The following PES1 variants were observed in gnomAD, a reference collection of about 807,000 sequenced individuals.
PES1 encodes the protein pescadillo homolog.
Under a neutral mutation model 77.1 loss-of-function variants are expected in PES1, and 31 were observed. The observed-to-expected ratio is 0.40, with a 90% CI of 0.30 to 0.54. The LOEUF is 0.54. Among genes scored for constraint, PES1 ranks in the 20% least tolerant of loss-of-function variants. The pLI is 0.45. For synonymous variants in PES1, 282 were observed against 303.0 expected (o/e 0.93, Z 0.72); for missense variants, 658 against 771.7 (o/e 0.85, Z 1.75).
At chr22:30,604,601 G>C (rs8141486) in intron 2 of PES1, among the ~76,000 whole-genome samples, 8,824 of 151,256 alleles carry the variant, frequency 0.058, 905 homozygotes, top group African/African-American at 0.21. Context: ...TTGCACTCCA[G>C]CCTGGGCAAC....
rs139481399 is a variant in PES1 at position 30,586,207 on chromosome 22, C to T, written c.368+1079G>A. 4.3e-4 allele frequency among the ~76,000 whole-genome samples: 65 copies of T among 152,296 alleles called. 2 individuals carry two copies. In the East Asian group the frequency reaches 0.012, roughly 28 times the overall value. The stretch of plus-strand genomic sequence containing the variant: ...TGTGGCTTTTTTTCATTTATTTCAC[C>T]TAACACTGTGTGCCACAGGCAGGAC... On this transcript the variant is annotated intron_variant, in intron 4 of 14. Coordinates refer to ENST00000354694, the MANE Select transcript of PES1 (RefSeq NM_014303.4).
intron 11 of PES1, 58 bp downstream of exon 11, chr22:30,579,995 C>T: frequency 6.2e-6 from 10 of 1,611,544 alleles, no homozygotes; most frequent in Non-Finnish European, 7.6e-6. Context: ...CCTGCTGCAT[C>T]GCAGGGCCTT....
At chr22:30,592,078 C>T (rs2087190301), upstream of PES1, 2 of 1,343,310 alleles carry the variant, frequency 1.5e-6, no homozygotes, top group Non-Finnish European at 1.9e-6. Context: ...ACAATGGTTA[C>T]AAACACTTTA....
intron 2 of PES1, among the ~76,000 whole-genome samples, chr22:30,599,079 G>C (rs1179373423): frequency 6.6e-6 from 1 of 151,188 alleles, no homozygotes; most frequent in African/African-American, 2.4e-5. Flanking sequence ...TGTATTTTTA[G>C]TTAGAGATGG....
chr22:30,604,951 C>T (rs2087414871), intron 2 of PES1, among the ~76,000 whole-genome samples: 1 of 152,114 alleles, frequency 6.6e-6, no homozygotes, highest in African/African-American at 2.4e-5. Context: ...ACCACATGAC[C>T]TGAAATAGCA....
At chr22:30,578,112 G>A (rs763458131) in intron 14 of PES1, among the ~76,000 whole-genome samples, 1 of 152,214 alleles carries the variant, frequency 6.6e-6, no homozygotes, top group Non-Finnish European at 1.5e-5. Context: ...GTAAAACCCC[G>A]TCTCTACTAA....
chr22:30,604,390 C>T (rs200492060), intron 2 of PES1, among the ~76,000 whole-genome samples: 7 of 151,982 alleles, frequency 4.6e-5, no homozygotes, highest in Admixed American at 1.3e-4. Flanking sequence ...CCCAATACTT[C>T]GGGAGGCTGA....
intron 4 of PES1, 124 bp from the exon 5 acceptor site, chr22:30,584,841 GA>G: frequency 1.1e-6 from 1 of 936,164 alleles, no homozygotes; most frequent in Non-Finnish European, 1.6e-6. Flanking sequence ...GCCACCTCCT[GA>G]CCTGGCAGGA....
At chr22:30,596,358 G>A (rs117021902), upstream of PES1, among the ~76,000 whole-genome samples, 1,734 of 152,046 alleles carry the variant, frequency 0.011, 17 homozygotes, top group South Asian at 0.021. Flanking sequence ...GTGTGTGTGC[G>A]TGTGTATATG....
chr22:30,598,885 A>ATTT (rs71200084), intron 2 of PES1, among the ~76,000 whole-genome samples: 920 of 51,066 alleles, frequency 0.018, 175 homozygotes, highest in Admixed American at 0.021. Context: ...CTTAAGTAAA[A>ATTT]TTTTTTTTTT....
At chr22:30,577,175 G>A (rs746153878) in intron 14 of PES1, 46 bp from the exon 15 acceptor site, 1 of 1,489,662 alleles carries the variant, frequency 6.7e-7, no homozygotes, top group South Asian at 1.1e-5. Context: ...GTGTAGAAGG[G>A]AGGGTGGGGG....
chr22:30,576,872 C>T lies in PES1; in HGVS notation c.*174G>A. ...CAGGCACCAGCAGGGCAGCTCCATCCAAGGGAAGCGAGGGCTGCCCACTGG... is the reference window on the plus strand; with the variant it reads ...CAGGCACCAGCAGGGCAGCTCCATCTAAGGGAAGCGAGGGCTGCCCACTGG... On this transcript the variant is annotated 3_prime_UTR_variant, in exon 15 of 15. Coordinates refer to ENST00000354694, the MANE Select transcript of PES1 (RefSeq NM_014303.4). The T allele has an allele frequency of 1.6e-6, 1 of 621,140 alleles. No individual in the cohort carries two copies. The highest frequency in any genetic ancestry group is 1.9e-5 in the South Asian group (1 of 52,546). The allele number at this position is 621,140 out of a possible 1,614,324, so 38.5% of individuals were successfully genotyped here.
chr22:30,592,019 T>C (rs2087189059), upstream of PES1: 6 of 1,368,588 alleles, frequency 4.4e-6, no homozygotes, highest in African/African-American at 1.5e-5. Context: ...TTTAAAACTA[T>C]AGTCTGAAAA....
Position 30,580,099 on chromosome 22 carries a change from G to A in PES1, c.1123C>T (p.His375Tyr), listed in dbSNP as rs774026118. 3.7e-6 allele frequency: 6 copies of A among 1,614,146 alleles called. No individual in the cohort carries two copies. The highest frequency in any genetic ancestry group is 5.1e-6 in the Non-Finnish European group (6 of 1,180,024). Reference sequence around the variant, plus strand: ...TGCCCAGGCCGGTCGACAATCTGATGGGTGATGCGGGAGTCTGTGACGTCA... The same window carrying A: ...TGCCCAGGCCGGTCGACAATCTGATAGGTGATGCGGGAGTCTGTGACGTCA... ...TYDVTDSRIT[H>Y]QIVDRPGQQT... The change falls in exon 11 of 15, where the codon CAT becomes TAT. Residue 375 changes from histidine to tyrosine, a missense_variant. Coordinates refer to ENST00000354694, the MANE Select transcript of PES1 (RefSeq NM_014303.4).
chr22:30,591,754 G>A, intron 1 of PES1, 56 bp downstream of exon 1: 1 of 1,536,332 alleles, frequency 6.5e-7, no homozygotes, highest in Non-Finnish European at 8.8e-7. Context: ...TCGACCCCAT[G>A]CTCTGCCGCC....
intron 4 of PES1, chr22:30,586,859 G>T: frequency 6.0e-6 from 1 of 167,448 alleles, no homozygotes; most frequent in Non-Finnish European, 1.3e-5. Flanking sequence ...TGAGGCAGGA[G>T]AATTGTTTGA....
At position 30,581,079 on chromosome 22, in the gene PES1, C is replaced by T; in HGVS notation, c.845G>A (p.Ser282Asn). 4 of 1,610,142 alleles carry T rather than the reference C, an allele frequency of 2.5e-6. No individual in the cohort carries two copies. The highest frequency in any genetic ancestry group is 3.4e-6 in the Non-Finnish European group (4 of 1,178,802). The stretch of plus-strand genomic sequence containing the variant: ...GGCAGGCACCACCACGCGGGCCAGG[C>T]TGGCACTGAGGGCTGCCAGTTTCTA... ...CMEKLAALSA[S>N]LARVVVPATE... Residue 282 changes from serine (S) to asparagine (N), a missense_variant, in exon 9 of 15, where the codon AGC (serine) becomes AAC (asparagine). By Grantham distance (46) the Ser-to-Asn change is conservative (BLOSUM62 1). Transcript: ENST00000354694.
At chr22:30,596,859 A>G (rs1307759501), upstream of PES1, among the ~76,000 whole-genome samples, 2 of 152,106 alleles carry the variant, frequency 1.3e-5, no homozygotes, top group African/African-American at 2.4e-5. Context: ...GGAGGTGTGG[A>G]GGGAGAGGCA....
In PES1 at chr22:30,579,930, T is replaced by A. The variant is rs769364404; in HGVS notation, c.1175A>T (p.Tyr392Phe). Residue 392 changes from tyrosine to phenylalanine, a missense_variant, in exon 12 of 15, where the codon TAC becomes TTC. Transcript: ENST00000354694. ...GQQTSVIGRCYVQPQWVFDSV... is the reference protein window; with the variant it reads ...GQQTSVIGRCFVQPQWVFDSV... Reference sequence around the variant, plus strand: ...GTCAAACACCCACTGGGGCTGCACGTAGCACCTGGCGCAGAGTGGCAGGCA... The same window carrying A: ...GTCAAACACCCACTGGGGCTGCACGAAGCACCTGGCGCAGAGTGGCAGGCA... 1.9e-6 allele frequency: 3 copies of A among 1,613,726 alleles called. No individual in the cohort carries two copies. Among genetic ancestry groups the A allele is most frequent in the Non-Finnish European group, 2.5e-6 (3 of 1,179,730 alleles).
Sources: gnomAD v4.1 joint callset for allele counts (sites outside exome capture counted in the v4.1 genomes callset) on GRCh38, gnomAD v4.1.1 for gene constraint, MANE v1.5 for transcripts, NCBI Gene and HGNC (gene_info 2026-07-23, HGNC 2026-07-21) for gene names.